Variants in ZNF813 observed in about 807,000 individuals in gnomAD.
The protein encoded by ZNF813 is zinc finger protein 813.
ZNF813 carries 3 observed loss-of-function variants against 7.2 expected under a neutral mutation model. The observed-to-expected ratio is 0.42, with a 90% CI of 0.19 to 1.08. The LOEUF is 1.08. ZNF813 is among the 50% of genes least tolerant of loss of function. The probability of loss-of-function intolerance (pLI) is 0.30; values close to 1 mark genes in which losing one functional copy is unlikely to be tolerated. For synonymous variants in ZNF813, 227 were observed against 256.3 expected, an observed-to-expected ratio of 0.89 and a Z score of 1.09; for missense variants, 714 against 753.3, an observed-to-expected ratio of 0.95 and a Z score of 0.61.
At chr19:53,482,587 G>T (rs1817608218) in intron 1 of ZNF813, among the ~76,000 whole-genome samples, 1 of 151,996 alleles carries the variant, frequency 6.6e-6, no homozygotes, top group Non-Finnish European at 1.5e-5. Flanking sequence ...TCCTCCTTCA[G>T]GTCTAGGCTC....
intron 1 of ZNF813, among the ~76,000 whole-genome samples, chr19:53,471,813 A>AAAG (rs2086360761): frequency 6.6e-6 from 1 of 150,400 alleles, no homozygotes; most frequent in African/African-American, 2.4e-5. Context: ...CTGTCTCAAA[A>AAAG]AAAAAAAAAA....
At chr19:53,479,140 G>T (rs1330051452) in intron 1 of ZNF813, among the ~76,000 whole-genome samples, 1 of 152,088 alleles carries the variant, frequency 6.6e-6, no homozygotes, top group Non-Finnish European at 1.5e-5. Flanking sequence ...TCACCATGTT[G>T]GCCAGGCTGG....
chr19:53,473,792 CT>C (rs1174019232), intron 1 of ZNF813, among the ~76,000 whole-genome samples: 1 of 152,128 alleles, frequency 6.6e-6, no homozygotes, highest in African/African-American at 2.4e-5. Context: ...TTGGAGATCA[CT>C]TTTAATTTGA....
At chr19:53,469,413 G>A (rs1288487164) in intron 1 of ZNF813, among the ~76,000 whole-genome samples, 1 of 152,052 alleles carries the variant, frequency 6.6e-6, no homozygotes, top group Non-Finnish European at 1.5e-5. Context: ...ACTCCAAACC[G>A]TCATGTGATT....
At position 53,491,256 on chromosome 19, in the gene ZNF813, C is replaced by T. The variant is rs752788707; in HGVS notation, c.1024C>T (p.Leu342Phe). 6 of 1,614,132 alleles carry T rather than the reference C, an allele frequency of 3.7e-6. No individual in the cohort carries two copies. Among genetic ancestry groups the T allele is most frequent in the Admixed American group, 3.3e-5 (2 of 60,030 alleles). The change falls in exon 4 of 4, where the codon CTT (leucine) becomes TTT (phenylalanine). Residue 342 changes from leucine (L) to phenylalanine (F), a missense_variant. Leu to Phe is a conservative substitution (Grantham distance 22). Around this residue, in one of 3 missense-constraint regions of ZNF813, gnomAD observed 563 missense variants for 554.2 expected, o/e 1.02. Transcript: ENST00000396403. Reference protein sequence around the residue: ...CGKTFSQTSSLTCHRRLHTGE... With the variant: ...CGKTFSQTSSFTCHRRLHTGE... ...CAAGACCTTTAGTCAGACGTCATCC[C>T]TTACATGCCATCGTAGACTTCATAC...
Position 53,480,804 on chromosome 19 carries a change from TG to T in ZNF813, c.-73-2943del, listed in dbSNP as rs1389835474. ...TCCATTCTGGACTAATGTTGAAAGA[TG>T]GGTTGGATTGGCATGGAACTTTTGG... On this transcript the variant is annotated intron_variant, in intron 1 of 3. Transcript: ENST00000396403. Among the ~76,000 whole-genome samples, 3 of 152,222 alleles carry T rather than the reference TG, an allele frequency of 2.0e-5. No homozygotes were observed. In the East Asian group the frequency reaches 5.8e-4, roughly 29 times the overall value.
rs1374775293 is a variant in ZNF813 at position 53,493,292 on chromosome 19, T to C, written c.*1206T>C. The C allele has an allele frequency of 5.9e-6, 1 of 169,430 alleles. No individual in the cohort carries two copies. The highest frequency in any genetic ancestry group is 2.4e-5 in the African/African-American group (1 of 41,802). The allele number at this position is 169,430 out of a possible 1,614,324, so 10.5% of individuals were successfully genotyped here. A position where few individuals can be genotyped will look rare whatever the true frequency, so the allele number is the denominator to read the frequency against. On this transcript the variant is annotated 3_prime_UTR_variant, in exon 4 of 4. Transcript: ENST00000396403. ...TTATGGGTACCGTGTTGAATCTAAA[T>C]CACATTGGGTTATATAATCATTTAA...
At chr19:53,487,358 T>C (rs1192975353) in intron 3 of ZNF813, among the ~76,000 whole-genome samples, 2 of 152,170 alleles carry the variant, frequency 1.3e-5, no homozygotes, top group Non-Finnish European at 1.5e-5. Context: ...CTTTTTGTGT[T>C]TAATTGCTTT....
At chr19:53,475,145 T>C (rs2086376298) in intron 1 of ZNF813, among the ~76,000 whole-genome samples, 1 of 152,166 alleles carries the variant, frequency 6.6e-6, no homozygotes. Flanking sequence ...TCCTCTCTCT[T>C]TATATATAGT....
chr19:53,471,777 A>G (rs1343859430), intron 1 of ZNF813, among the ~76,000 whole-genome samples: 2 of 141,196 alleles, frequency 1.4e-5, no homozygotes, highest in East Asian at 2.1e-4. Flanking sequence ...ACGCCACTGC[A>G]CTCCAGCCTG....
chr19:53,485,891 C>CGTTG (rs2086431564), intron 2 of ZNF813, among the ~76,000 whole-genome samples: 1 of 151,706 alleles, frequency 6.6e-6, no homozygotes, highest in Non-Finnish European at 1.5e-5. Context: ...TTTTTGTTTT[C>CGTTG]GTTTGTTTGT....
In ZNF813 at chr19:53,485,390, A is replaced by G. The variant is rs186802713; in HGVS notation, c.16-1242A>G. ...CTTTATATACACACTCACATATACA[A>G]TATACACACACATATACATCTCCAT... On this transcript the variant is annotated intron_variant, in intron 2 of 3. Transcript: ENST00000396403. Among the ~76,000 whole-genome samples the G allele has an allele frequency of 1.2e-3, 176 of 152,316 alleles. 1 individual carries two copies. The highest frequency in any genetic ancestry group is 2.1e-3 in the South Asian group (10 of 4,828).
intron 2 of ZNF813, 70 bp downstream of exon 2, chr19:53,483,907 A>G: frequency 6.2e-7 from 1 of 1,612,528 alleles, no homozygotes; most frequent in Non-Finnish European, 8.5e-7. Context: ...GGAGTTGGGA[A>G]TCTTCTCTGA....
At chr19:53,473,246 A>C (rs532215836) in intron 1 of ZNF813, among the ~76,000 whole-genome samples, 19 of 152,218 alleles carry the variant, frequency 1.2e-4, no homozygotes, top group Non-Finnish European at 2.8e-4. Context: ...CTCAAGCTTC[A>C]GCTGTGCGTA....
chr19:53,470,959 A>G (rs2086355736), intron 1 of ZNF813, among the ~76,000 whole-genome samples: 3 of 152,214 alleles, frequency 2.0e-5, no homozygotes, highest in East Asian at 1.9e-4. Context: ...CAACTTTATG[A>G]TGCGGTTAAG....
chr19:53,481,642 C>A (rs1469193514), intron 1 of ZNF813, among the ~76,000 whole-genome samples: 1 of 152,022 alleles, frequency 6.6e-6, no homozygotes, highest in Non-Finnish European at 1.5e-5. Flanking sequence ...ATCCATTGAA[C>A]CTGGCCACCC....
rs1427121812 is a variant in ZNF813 at position 53,493,419 on chromosome 19, C to T, written c.*1333C>T. The T allele has an allele frequency of 7.9e-6, 1 of 126,040 alleles. No homozygotes were observed. Among genetic ancestry groups the T allele is most frequent in the East Asian group, 2.0e-4 (1 of 4,880 alleles). 7.8% of individuals were successfully genotyped at this position (126,040 alleles called of 1,614,324 possible). A position where few individuals can be genotyped will look rare whatever the true frequency, so the allele number is the denominator to read the frequency against. On this transcript the variant is annotated 3_prime_UTR_variant, in exon 4 of 4. Transcript: ENST00000396403. ...AGATTTCAAGGTACAAACTTCTCACCTTTTTACTTTTATTTCTATTTCTTT... is the reference window on the plus strand; with the variant it reads ...AGATTTCAAGGTACAAACTTCTCACTTTTTTACTTTTATTTCTATTTCTTT...
chr19:53,486,567 C>T (rs2086435007), intron 2 of ZNF813, 65 bp from the exon 3 acceptor site: 1 of 1,612,804 alleles, frequency 6.2e-7, no homozygotes, highest in Non-Finnish European at 8.5e-7. Context: ...CTCTCCTCTT[C>T]TCATTTTCTG....
chr19:53,468,819 G>A (rs1054533225), intron 1 of ZNF813, among the ~76,000 whole-genome samples: 2 of 151,952 alleles, frequency 1.3e-5, no homozygotes, highest in African/African-American at 4.8e-5. Flanking sequence ...TCCATTCCCA[G>A]GGACCAGCAG....
Sources: allele counts gnomAD v4.1 joint callset (sites outside exome capture counted in the v4.1 genomes callset), GRCh38; gene constraint gnomAD v4.1.1; regional missense constraint gnomAD v4.1.1; transcripts MANE v1.5; gene names NCBI Gene and HGNC (gene_info 2026-07-23, HGNC 2026-07-21).